The following ZNF84 variants were observed in gnomAD, a reference collection of about 807,000 sequenced individuals.
The protein encoded by ZNF84 is zinc finger protein HPF2.
Under a neutral mutation model 14.8 loss-of-function variants are expected in ZNF84, and 12 were observed. The observed-to-expected ratio is 0.81, with a 90% CI of 0.52 to 1.31. The LOEUF is 1.31. Ranked by LOEUF, ZNF84 falls within the 50% of genes most tolerant of loss-of-function variation. The pLI, the probability that ZNF84 is intolerant of heterozygous loss-of-function variation, is 0.00. For synonymous variants in ZNF84, 347 were observed against 291.1 expected (o/e 1.19, Z -1.96); for missense variants, 859 against 878.6 (o/e 0.98, Z 0.28).
intron 4 of ZNF84, among the ~76,000 whole-genome samples, chr12:133,052,056 A>G (rs893118659): frequency 4.6e-5 from 7 of 152,240 alleles, no homozygotes; most frequent in Non-Finnish European, 1.0e-4. Flanking sequence ...GCAGGAAAAA[A>G]TTCAGATCCT....
Position 133,063,019 on chromosome 12 carries a change from T to A in ZNF84, c.*4087T>A, listed in dbSNP as rs13678. The stretch of plus-strand genomic sequence containing the variant: ...CACTAGAAAGCTTCTAGAAAGCTAG[T>A]ACTATCTTTTTTGTCTGTGTAATTT... On this transcript the variant is annotated 3_prime_UTR_variant, in exon 5 of 5. Coordinates refer to ENST00000539354, the MANE Select transcript of ZNF84 (RefSeq NM_001289971.2). 4 of 687,210 alleles carry A rather than the reference T, an allele frequency of 5.8e-6. No individual in the cohort carries two copies. The highest frequency in any genetic ancestry group is 1.1e-5 in the Non-Finnish European group (4 of 376,148). 42.6% of individuals were successfully genotyped at this position (687,210 alleles called of 1,614,324 possible).
intron 1 of ZNF84, among the ~76,000 whole-genome samples, chr12:133,038,447 G>A (rs1260387691): frequency 7.0e-6 from 1 of 143,760 alleles, no homozygotes; most frequent in African/African-American, 2.7e-5. Flanking sequence ...TGTAGCCCCA[G>A]CTACTCTGTA....
chr12:133,056,875 A>G lies in ZNF84; in HGVS notation c.239-79A>G, dbSNP rs960879865. On this transcript the variant is annotated intron_variant, in intron 4 of 4. Transcript: ENST00000539354. ...CCTTAAAAGCAGCCAACCCCTCAAC[A>G]TAGCATTTCTAGTTTTGTTTTGTTT... The G allele has an allele frequency of 9.8e-6, 13 of 1,328,674 alleles. No individual in the cohort carries two copies. The Admixed American group carries it at 1.5e-4, about 15-fold the overall frequency. 82.3% of individuals were successfully genotyped at this position (1,328,674 alleles called of 1,614,324 possible). A position where few individuals can be genotyped will look rare whatever the true frequency, so the allele number is the denominator to read the frequency against.
At position 133,058,213 on chromosome 12, in the gene ZNF84, T is replaced by C; in HGVS notation, c.1498T>C (p.Leu500=). The change falls in exon 5 of 5, where the codon TTA becomes CTA. Residue 500 remains leucine, a synonymous_variant. Coordinates refer to ENST00000539354, the MANE Select transcript of ZNF84 (RefSeq NM_001289971.2). ...SECGKAFSEK[L]SLTNHQRIHT... is the part of the protein sequence containing the mutation. ...GTGTGGGAAAGCTTTCAGTGAAAAA[T>C]TAAGTCTCACTAATCATCAAAGAAT... The C allele has an allele frequency of 2.5e-6, 4 of 1,613,752 alleles. No individual in the cohort carries two copies. The highest frequency in any genetic ancestry group is 2.2e-5 in the South Asian group (2 of 91,068).
Position 133,057,347 on chromosome 12 carries a change from A to C in ZNF84, c.632A>C (p.Glu211Ala). Residue 211 changes from glutamate (E) to alanine (A), a missense_variant, in exon 5 of 5, where the codon GAA (glutamate) becomes GCA (alanine). Physicochemically the swap from Glu to Ala is moderately radical, Grantham distance 107. Transcript: ENST00000539354. ...RLGEKLYECSECRKRFSKKPS... is the reference protein window; with the variant it reads ...RLGEKLYECSACRKRFSKKPS... ...GGGGAGAAACTCTATGAATGCAGTG[A>C]ATGTAGGAAGCGCTTCAGTAAGAAA... The C allele has an allele frequency of 6.2e-7, 1 of 1,613,836 alleles. No homozygotes were observed. Among genetic ancestry groups the C allele is most frequent in the Non-Finnish European group, 8.5e-7 (1 of 1,179,978 alleles).
At chr12:133,039,391 G>T (rs1953846711) in intron 1 of ZNF84, among the ~76,000 whole-genome samples, 1 of 152,198 alleles carries the variant, frequency 6.6e-6, no homozygotes, top group Admixed American at 6.5e-5. Context: ...GTGTGTTTGT[G>T]CATGTAGATA....
At chr12:133,050,674 C>A in intron 4 of ZNF84, 1 of 397,172 alleles carries the variant, frequency 2.5e-6, no homozygotes, top group South Asian at 1.3e-4. Context: ...CCTAGAAATT[C>A]TTAATCCTTT....
intron 2 of ZNF84, among the ~76,000 whole-genome samples, chr12:133,044,222 G>T (rs1953938623): frequency 6.6e-6 from 1 of 151,968 alleles, no homozygotes; most frequent in Admixed American, 6.6e-5. Context: ...ATAGCTCACT[G>T]CAGCCTTGAA....
Position 133,060,494 on chromosome 12 carries a change from A to G in ZNF84, c.*1562A>G, listed in dbSNP as rs1261398268. The G allele has an allele frequency of 2.0e-5, 3 of 152,210 alleles. No individual in the cohort carries two copies. The highest frequency in any genetic ancestry group is 4.4e-5 in the Non-Finnish European group (3 of 68,032). The allele number at this position is 152,210 out of a possible 1,614,324, so 9.4% of individuals were successfully genotyped here. A position where few individuals can be genotyped will look rare whatever the true frequency, so the allele number is the denominator to read the frequency against. ...TAATACACCCAACTTACCAAACATC[A>G]TAGCTTAGCGTAGCCTACCTTAAAC... On this transcript the variant is annotated 3_prime_UTR_variant, in exon 5 of 5. Transcript: ENST00000539354.
intron 4 of ZNF84, among the ~76,000 whole-genome samples, chr12:133,053,505 T>G (rs1954104839): frequency 6.6e-6 from 1 of 152,166 alleles, no homozygotes; most frequent in Non-Finnish European, 1.5e-5. Context: ...TTTGGGAAGC[T>G]GAAGTGGAAG....
intron 2 of ZNF84, among the ~76,000 whole-genome samples, chr12:133,044,317 ATTT>A (rs11326247): frequency 5.7e-5 from 8 of 140,248 alleles, no homozygotes; most frequent in African/African-American, 5.3e-5. Context: ...GCTAGTTTAA[ATTT>A]TTTTTTTTTT....
At chr12:133,038,089 A>G (rs1049070264) in intron 1 of ZNF84, 28 of 152,010 alleles carry the variant, frequency 1.8e-4, no homozygotes, top group African/African-American at 6.7e-4. Context: ...CAAATTATAC[A>G]TATATTCATT....
rs1954198097 is a variant in ZNF84, at chr12:133,058,325, A to G, written c.1610A>G (p.His537Arg). ...KSHLISHQRT[H>R]TGEKPYECSE... ...CATCTCATATCACATCAGAGGACAC[A>G]TACAGGGGAGAAACCCTATGAATGC... Residue 537 changes from histidine (H) to arginine (R), a missense_variant, in exon 5 of 5, where the codon CAT (histidine) becomes CGT (arginine). Physicochemically the swap from His to Arg is conservative, Grantham distance 29 (BLOSUM62 0). Transcript: ENST00000539354. 3 of 1,614,166 alleles carry G rather than the reference A, an allele frequency of 1.9e-6. No individual in the cohort carries two copies. Among genetic ancestry groups the G allele is most frequent in the South Asian group, 1.1e-5 (1 of 91,082 alleles).
At chr12:133,050,045 G>A (rs2137379868) in intron 4 of ZNF84, among the ~76,000 whole-genome samples, 1 of 152,216 alleles carries the variant, frequency 6.6e-6, no homozygotes. Context: ...TTGTGACATT[G>A]ACTTACTTCA....
At position 133,048,061 on chromosome 12, in the gene ZNF84, A is replaced by G. The variant is rs1396975172; in HGVS notation, c.122A>G (p.Tyr41Cys). 1.9e-6 allele frequency: 3 copies of G among 1,613,816 alleles called. No individual in the cohort carries two copies. The change falls in exon 3 of 5, where the codon TAT (tyrosine) becomes TGT (cysteine). Residue 41 changes from tyrosine (Y) to cysteine (C), a missense_variant. By Grantham distance (194) the Tyr-to-Cys change is radical. Transcript: ENST00000539354. ...TACAAGGATGTGATGTTGGAGAACT[A>G]TAGCAGCCTAGTGTCACTGGGTAAT... ...NLYKDVMLEN[Y>C]SSLVSLGYEV... is the part of the protein sequence containing the mutation.
chr12:133,040,162 T>A (rs1334824830), intron 1 of ZNF84, among the ~76,000 whole-genome samples: 21 of 151,934 alleles, frequency 1.4e-4, no homozygotes, highest in African/African-American at 5.1e-4. Context: ...TTTTTTTTTT[T>A]AAACACCAAT....
chr12:133,063,020 A>G lies in ZNF84; in HGVS notation c.*4088A>G. 2 of 688,704 alleles carry G rather than the reference A, an allele frequency of 2.9e-6. No homozygotes were observed. The highest frequency in any genetic ancestry group is 2.7e-6 in the Non-Finnish European group (1 of 376,914). 42.7% of individuals were successfully genotyped at this position (688,704 alleles called of 1,614,324 possible). A position where few individuals can be genotyped will look rare whatever the true frequency, so the allele number is the denominator to read the frequency against. The stretch of plus-strand genomic sequence containing the variant: ...ACTAGAAAGCTTCTAGAAAGCTAGT[A>G]CTATCTTTTTTGTCTGTGTAATTTT... On this transcript the variant is annotated 3_prime_UTR_variant, in exon 5 of 5. Transcript: ENST00000539354.
rs970495485 is a variant in ZNF84 at position 133,058,711 on chromosome 12, C to G, written c.1996C>G (p.Arg666Gly). The change falls in exon 5 of 5, where the codon CGG (arginine) becomes GGG (glycine). Residue 666 changes from arginine (R) to glycine (G), a missense_variant. Arg to Gly is a moderately radical substitution (Grantham distance 125). Coordinates refer to ENST00000539354, the MANE Select transcript of ZNF84 (RefSeq NM_001289971.2). The part of the protein sequence containing the change: ...ECSECGKAFS[R>G]KSHLIPHQRT... ...CAGTGAGTGTGGCAAAGCTTTCTCT[C>G]GGAAGTCACACCTTATACCACATCA... 1 of 1,613,770 alleles carries G rather than the reference C, an allele frequency of 6.2e-7. No homozygotes were observed. The highest frequency in any genetic ancestry group is 8.5e-7 in the Non-Finnish European group (1 of 1,179,900).
At chr12:133,046,347 G>GGTTTGTTTTTTTTTTT (rs1953976790) in intron 2 of ZNF84, among the ~76,000 whole-genome samples, 1 of 116,406 alleles carries the variant, frequency 8.6e-6, no homozygotes. Context: ...AGTCCTCACA[G>GGTTTGTTTTTTTTTTT]TTTTTTTTTT....
Sources: allele counts gnomAD v4.1 joint callset (sites outside exome capture counted in the v4.1 genomes callset), GRCh38; gene constraint gnomAD v4.1.1; transcripts MANE v1.5; gene names NCBI Gene and HGNC (gene_info 2026-07-23, HGNC 2026-07-21).